Variants in DSCAM observed in about 807,000 individuals in gnomAD.
DSCAM encodes the protein DS cell adhesion molecule.
DSCAM carries 47 observed loss-of-function variants against 217.7 expected under a neutral mutation model. The ratio of observed to expected loss-of-function variants is 0.22; its 90% CI spans 0.17 to 0.28. The LOEUF (loss-of-function observed/expected upper bound fraction) is 0.28. Ranked by LOEUF, DSCAM falls within the 10% of genes least tolerant of loss-of-function variation. The pLI, the probability that DSCAM is intolerant of heterozygous loss-of-function variation, is 1.00. For missense variants in DSCAM, 2,080 were observed against 2,618.3 expected (o/e 0.79, Z 4.49); for synonymous variants, 1,056 against 1,015.3 (o/e 1.04, Z -0.76).
intron 1 of DSCAM, among the ~76,000 whole-genome samples, chr21:40,775,632 C>G (rs1408606083): frequency 6.6e-6 from 1 of 152,192 alleles, no homozygotes; most frequent in African/African-American, 2.4e-5. Flanking sequence ...CCTTGGACAT[C>G]AGAACTCTAG....
At chr21:40,308,970 T>G (rs936319378) in intron 9 of DSCAM, among the ~76,000 whole-genome samples, 4 of 152,184 alleles carry the variant, frequency 2.6e-5, no homozygotes, top group African/African-American at 9.7e-5. Context: ...TACAAAGAAT[T>G]CTGGTTGCAT....
At chr21:40,479,177 T>C (rs1423363291) in intron 3 of DSCAM, among the ~76,000 whole-genome samples, 2 of 152,198 alleles carry the variant, frequency 1.3e-5, no homozygotes, top group Non-Finnish European at 2.9e-5. Flanking sequence ...CTCAATTAAA[T>C]GTGATGAAGC....
intron 3 of DSCAM, among the ~76,000 whole-genome samples, chr21:40,533,765 C>G (rs2076474119): frequency 6.8e-6 from 1 of 147,530 alleles, no homozygotes; most frequent in African/African-American, 2.5e-5. Flanking sequence ...ATCCATCCAT[C>G]CATCCTTCCA....
chr21:40,076,866 C>G (rs993938364), intron 26 of DSCAM, among the ~76,000 whole-genome samples: 3 of 152,244 alleles, frequency 2.0e-5, no homozygotes, highest in African/African-American at 7.2e-5. Context: ...AAGATACTTA[C>G]TACTCAAATG....
At chr21:40,118,974 T>C (rs947057709) in intron 20 of DSCAM, among the ~76,000 whole-genome samples, 6 of 152,206 alleles carry the variant, frequency 3.9e-5, no homozygotes, top group Non-Finnish European at 5.9e-5. Context: ...GATTTGTGCT[T>C]GGAGCGTTTA....
chr21:40,546,098 C>T (rs183047993), intron 3 of DSCAM, among the ~76,000 whole-genome samples: 87 of 152,296 alleles, frequency 5.7e-4, no homozygotes, highest in Admixed American at 1.6e-3. Context: ...CTGACAAGAC[C>T]CCTGCATGAA....
At chr21:40,518,135 T>C (rs1437383697) in intron 3 of DSCAM, among the ~76,000 whole-genome samples, 2 of 150,426 alleles carry the variant, frequency 1.3e-5, no homozygotes, top group African/African-American at 4.9e-5. Context: ...ATACTGAGTA[T>C]TCCTAAACAC....
chr21:40,433,931 G>A (rs1476490049), intron 3 of DSCAM, among the ~76,000 whole-genome samples: 1 of 152,170 alleles, frequency 6.6e-6, no homozygotes, highest in Non-Finnish European at 1.5e-5. Flanking sequence ...CATCTGAAGT[G>A]GATAATATCA....
At chr21:40,726,053 A>C (rs1262540197) in intron 1 of DSCAM, among the ~76,000 whole-genome samples, 1 of 152,222 alleles carries the variant, frequency 6.6e-6, no homozygotes, top group Non-Finnish European at 1.5e-5. Context: ...GAACGATAAC[A>C]GAACAACAAA....
chr21:40,483,865 C>A (rs923939912), intron 3 of DSCAM, among the ~76,000 whole-genome samples: 5 of 152,120 alleles, frequency 3.3e-5, no homozygotes, highest in Non-Finnish European at 7.4e-5. Context: ...GACTATGGTT[C>A]TTTCCAATTT....
chr21:40,552,878 T>C (rs1030329000), intron 3 of DSCAM, among the ~76,000 whole-genome samples: 4 of 152,220 alleles, frequency 2.6e-5, no homozygotes, highest in African/African-American at 9.6e-5. Context: ...ATAATGGGCA[T>C]TATTTTCTAT....
intron 1 of DSCAM, among the ~76,000 whole-genome samples, chr21:40,846,126 C>A (rs1204048249): frequency 6.6e-6 from 1 of 152,010 alleles, no homozygotes; most frequent in Admixed American, 6.6e-5. Context: ...ATTCTTAAAG[C>A]CCTCCTTGGT....
At chr21:40,215,582 T>TTA (rs1220520729) in intron 11 of DSCAM, among the ~76,000 whole-genome samples, 1 of 152,048 alleles carries the variant, frequency 6.6e-6, no homozygotes, top group Non-Finnish European at 1.5e-5. Context: ...ATGCTCTCAC[T>TTA]TATAAGTGGG....
chr21:40,684,995 C>T (rs901006089), intron 3 of DSCAM, among the ~76,000 whole-genome samples: 4 of 152,192 alleles, frequency 2.6e-5, no homozygotes, highest in African/African-American at 9.7e-5. Context: ...ACTCCATTTA[C>T]ACTTAGGTGG....
chr21:40,115,904 A>T (rs557811446), intron 20 of DSCAM, among the ~76,000 whole-genome samples: 1 of 152,242 alleles, frequency 6.6e-6, no homozygotes, highest in South Asian at 2.1e-4. Flanking sequence ...AAATCAATCT[A>T]AATGCCCATC....
At chr21:40,613,028 G>C (rs561064546) in intron 3 of DSCAM, among the ~76,000 whole-genome samples, 3 of 152,286 alleles carry the variant, frequency 2.0e-5, no homozygotes, top group South Asian at 4.1e-4. Flanking sequence ...TTGACCAAGA[G>C]AGTAACAGAT....
intron 32 of DSCAM, among the ~76,000 whole-genome samples, chr21:40,020,530 T>TGAGA (rs140985038): frequency 2.0e-5 from 3 of 148,668 alleles, no homozygotes; most frequent in Non-Finnish European, 3.0e-5. Context: ...TGTGTGTGTG[T>TGAGA]GAGAGAGAGA....
chr21:40,163,640 G>A (rs2090564502), intron 16 of DSCAM, among the ~76,000 whole-genome samples: 1 of 151,918 alleles, frequency 6.6e-6, no homozygotes, highest in Non-Finnish European at 1.5e-5. Flanking sequence ...GCTTATATTT[G>A]GGATGTGAAG....
intron 1 of DSCAM, among the ~76,000 whole-genome samples, chr21:40,821,089 T>G (rs888608510): frequency 2.4e-4 from 17 of 72,106 alleles, no homozygotes; most frequent in Admixed American, 2.0e-3. Flanking sequence ...TTCACATATA[T>G]AGAGAGATAT....
Sources: gnomAD v4.1 joint callset for allele counts (sites outside exome capture counted in the v4.1 genomes callset) on GRCh38, gnomAD v4.1.1 for gene constraint, MANE v1.5 for transcripts, NCBI Gene and HGNC (gene_info 2026-07-23, HGNC 2026-07-21) for gene names.